The following ELMO1 variants were observed in gnomAD, a reference collection of about 807,000 sequenced individuals.
The protein encoded by ELMO1 is engulfment and cell motility protein 1.
ELMO1 carries 26 observed loss-of-function variants against 98.9 expected under a neutral mutation model. The ratio of observed to expected loss-of-function variants is 0.26; its 90% CI spans 0.19 to 0.36. The LOEUF (loss-of-function observed/expected upper bound fraction) is 0.36, where lower values mean the gene tolerates loss of function less well. Ranked by LOEUF, ELMO1 falls within the 10% of genes least tolerant of loss-of-function variation. ELMO1 has a pLI of 1.00. For missense variants in ELMO1, 627 were observed against 935.2 expected (o/e 0.67, Z 4.30); for synonymous variants, 346 against 346.0 (o/e 1.00, Z 0.00).
At chr7:36,954,695 G>A (rs1788296212) in intron 16 of ELMO1, among the ~76,000 whole-genome samples, 1 of 152,076 alleles carries the variant, frequency 6.6e-6, no homozygotes, top group Admixed American at 6.5e-5. Flanking sequence ...TTATTAATAG[G>A]CTGGGCAACT....
intron 18 of ELMO1, among the ~76,000 whole-genome samples, chr7:36,884,660 T>C (rs1804780991): frequency 6.6e-6 from 1 of 152,196 alleles, no homozygotes; most frequent in Admixed American, 6.5e-5. Context: ...ATGTGACTAT[T>C]CCAGTAGCAG....
chr7:37,138,997 A>G (rs1440663581), intron 13 of ELMO1, among the ~76,000 whole-genome samples: 1 of 152,240 alleles, frequency 6.6e-6, no homozygotes, highest in Non-Finnish European at 1.5e-5. Flanking sequence ...CAACAGATGC[A>G]GAAAATGCAT....
At position 37,374,138 on chromosome 7, in the gene ELMO1, A is replaced by G. The variant is rs556952874; in HGVS notation, c.-73-31375T>C. Among the ~76,000 whole-genome samples the G allele has an allele frequency of 6.6e-5, 10 of 152,266 alleles. No homozygotes were observed. The South Asian group carries it at 1.0e-3, about 16-fold the overall frequency. On this transcript the variant is annotated intron_variant, in intron 1 of 21. Coordinates refer to ENST00000310758, the MANE Select transcript of ELMO1 (RefSeq NM_014800.11). Reference sequence around the variant, plus strand: ...TTATTACACCCTGAGAGCATATTTAAAATATTTAACAACAATACAGGGTGC... The same window carrying G: ...TTATTACACCCTGAGAGCATATTTAGAATATTTAACAACAATACAGGGTGC...
intron 1 of ELMO1, among the ~76,000 whole-genome samples, chr7:37,440,027 C>T (rs945419075): frequency 6.6e-6 from 1 of 151,778 alleles, no homozygotes; most frequent in African/African-American, 2.4e-5. Context: ...CATATATGTA[C>T]AAAGCACTTA....
intron 13 of ELMO1, among the ~76,000 whole-genome samples, chr7:37,146,871 T>C (rs1312755688): frequency 1.3e-5 from 2 of 152,098 alleles, no homozygotes; most frequent in African/African-American, 4.8e-5. Context: ...TCCAATTATC[T>C]TCCCAACCAC....
intron 1 of ELMO1, among the ~76,000 whole-genome samples, chr7:37,344,726 A>G (rs1800912043): frequency 6.6e-6 from 1 of 152,238 alleles, no homozygotes; most frequent in African/African-American, 2.4e-5. Context: ...CAAACCTGAC[A>G]GGTTGAAAAA....
chr7:37,152,084 C>T (rs1006606368), intron 13 of ELMO1, among the ~76,000 whole-genome samples: 2 of 152,144 alleles, frequency 1.3e-5, no homozygotes, highest in Non-Finnish European at 2.9e-5. Flanking sequence ...TGCCACATTG[C>T]CCCTAACCTT....
intron 5 of ELMO1, among the ~76,000 whole-genome samples, chr7:37,267,036 T>TACACAC (rs1324539354): frequency 3.7e-5 from 1 of 26,934 alleles, no homozygotes; most frequent in African/African-American, 1.6e-4. Flanking sequence ...AATATGTATA[T>TACACAC]ATACACACAC....
At chr7:37,351,756 C>G (rs1280067229) in intron 1 of ELMO1, among the ~76,000 whole-genome samples, 1 of 152,248 alleles carries the variant, frequency 6.6e-6, no homozygotes, top group East Asian at 1.9e-4. Context: ...GAGTTCCAAA[C>G]TTGTCATTAA....
chr7:37,374,631 GTCCCA>G (rs1802254487), intron 1 of ELMO1, among the ~76,000 whole-genome samples: 2 of 152,008 alleles, frequency 1.3e-5, no homozygotes, highest in Non-Finnish European at 2.9e-5. Flanking sequence ...CGCACCTGTA[GTCCCA>G]GCTACTTGGG....
rs60610537 is a variant in ELMO1 at position 36,866,081 on chromosome 7, A to G, written c.1905+4312T>C. ...ACCAAATATACTCCTATCTGAATCA[A>G]TGGATCTTCACTCTGGTGATTTCAT... On this transcript the variant is annotated intron_variant, in intron 20 of 21. Coordinates refer to ENST00000310758, the MANE Select transcript of ELMO1 (RefSeq NM_014800.11). Among the ~76,000 whole-genome samples the G allele has an allele frequency of 5.0e-3, 760 of 152,330 alleles. 5 individuals carry two copies. Among genetic ancestry groups the G allele is most frequent in the African/African-American group, 0.017 (699 of 41,562 alleles).
At chr7:37,096,217 G>T (rs1784357802) in intron 15 of ELMO1, among the ~76,000 whole-genome samples, 1 of 151,988 alleles carries the variant, frequency 6.6e-6, no homozygotes, top group Non-Finnish European at 1.5e-5. Context: ...TTTCATTAAG[G>T]TATTCAATTT....
intron 1 of ELMO1, among the ~76,000 whole-genome samples, chr7:37,347,161 T>A (rs990647844): frequency 6.6e-6 from 1 of 152,246 alleles, no homozygotes; most frequent in Non-Finnish European, 1.5e-5. Context: ...TGTTTTATCC[T>A]CAGAAGTCCA....
intron 8 of ELMO1, among the ~76,000 whole-genome samples, chr7:37,232,864 T>C (rs544239529): frequency 3.9e-5 from 6 of 152,304 alleles, no homozygotes; most frequent in African/African-American, 1.2e-4. Context: ...GACACACTTA[T>C]CTGGTCTGAG....
chr7:37,007,526 C>T (rs1447104645), intron 16 of ELMO1, among the ~76,000 whole-genome samples: 2 of 152,208 alleles, frequency 1.3e-5, no homozygotes, highest in African/African-American at 2.4e-5. Context: ...GACCACCTTT[C>T]ATTCCCTAGG....
intron 1 of ELMO1, among the ~76,000 whole-genome samples, chr7:37,380,995 A>C (rs1208646093): frequency 6.6e-6 from 1 of 152,260 alleles, no homozygotes; most frequent in Non-Finnish European, 1.5e-5. Context: ...GGCATTAAAT[A>C]GACCACAAAA....
At chr7:37,278,440 T>C (rs553003838) in intron 4 of ELMO1, among the ~76,000 whole-genome samples, 1 of 152,100 alleles carries the variant, frequency 6.6e-6, no homozygotes, top group East Asian at 1.9e-4. Flanking sequence ...GCCCAGAAAG[T>C]TAAGGCTGCA....
intron 16 of ELMO1, among the ~76,000 whole-genome samples, chr7:36,938,926 G>C (rs1786779837): frequency 6.6e-6 from 1 of 152,130 alleles, no homozygotes; most frequent in Admixed American, 6.5e-5. Flanking sequence ...TACTCGGGAG[G>C]CTGAGGTGGG....
At position 36,894,991 on chromosome 7, in the gene ELMO1, A is replaced by C; in HGVS notation, c.1464T>G (p.Val488=). The C allele has an allele frequency of 2.5e-6, 4 of 1,613,876 alleles. No individual in the cohort carries two copies. Among genetic ancestry groups the C allele is most frequent in the Non-Finnish European group, 3.4e-6 (4 of 1,179,988 alleles). ...NKVMQVVKEQ[V]MRALTTKPSS... ...TAGGCTTGGTTGTAAGTGCTCTCATAACCTGCTCCTTCACCACCTGCATTA... is the reference window on the plus strand; with the variant it reads ...TAGGCTTGGTTGTAAGTGCTCTCATCACCTGCTCCTTCACCACCTGCATTA... The change falls in exon 17 of 22, where the codon GTT becomes GTG. Residue 488 remains valine, a synonymous_variant. Transcript: ENST00000310758.
Sources: gnomAD v4.1 joint callset for allele counts (sites outside exome capture counted in the v4.1 genomes callset) on GRCh38, gnomAD v4.1.1 for gene constraint, MANE v1.5 for transcripts, NCBI Gene and HGNC (gene_info 2026-07-23, HGNC 2026-07-21) for gene names.